The following NTNG1 variants were observed in gnomAD, a reference collection of about 807,000 sequenced individuals.
NTNG1 encodes the protein netrin-G1.
NTNG1 carries 16 observed loss-of-function variants against 54.0 expected under a neutral mutation model. That is an observed-to-expected ratio of 0.30 (90% CI 0.20 to 0.45). The LOEUF is 0.45. Among genes scored for constraint, NTNG1 ranks in the 20% least tolerant of loss-of-function variants. The probability of loss-of-function intolerance (pLI) is 1.00; values close to 1 mark genes in which losing one functional copy is unlikely to be tolerated. For missense variants in NTNG1, 530 were observed against 678.7 expected (o/e 0.78, Z 2.43); for synonymous variants, 255 against 263.1 (o/e 0.97, Z 0.30).
At chr1:107,245,882 C>G (rs997489531) in intron 2 of NTNG1, among the ~76,000 whole-genome samples, 1 of 152,042 alleles carries the variant, frequency 6.6e-6, no homozygotes, top group African/African-American at 2.4e-5. Flanking sequence ...GAATAAACAG[C>G]CTCATTTAAA....
intron 3 of NTNG1, among the ~76,000 whole-genome samples, chr1:107,377,513 T>G (rs1438938957): frequency 6.6e-6 from 1 of 152,200 alleles, no homozygotes; most frequent in African/African-American, 2.4e-5. Flanking sequence ...CCAGTACATT[T>G]AAGTCTGTCG....
intron 5 of NTNG1, among the ~76,000 whole-genome samples, chr1:107,415,417 G>T (rs1441396106): frequency 6.6e-6 from 1 of 152,080 alleles, no homozygotes; most frequent in Non-Finnish European, 1.5e-5. Context: ...GATGCTGCTA[G>T]GCCATGAGAA....
At chr1:107,173,616 A>G (rs760344953) in intron 2 of NTNG1, among the ~76,000 whole-genome samples, 2 of 152,126 alleles carry the variant, frequency 1.3e-5, no homozygotes, top group Non-Finnish European at 2.9e-5. Context: ...GATGATACCA[A>G]TCTGGTGAAA....
chr1:107,442,299 G>A (rs955953483), intron 7 of NTNG1, among the ~76,000 whole-genome samples: 2 of 151,946 alleles, frequency 1.3e-5, no homozygotes, highest in Non-Finnish European at 2.9e-5. Flanking sequence ...ATATTCCTGG[G>A]GGAAAAAGGT....
intron 4 of NTNG1, among the ~76,000 whole-genome samples, chr1:107,397,488 G>A (rs1672751868): frequency 6.6e-6 from 1 of 152,092 alleles, no homozygotes; most frequent in Non-Finnish European, 1.5e-5. Flanking sequence ...TACTAGCTAT[G>A]TGACCTTGAA....
intron 2 of NTNG1, among the ~76,000 whole-genome samples, chr1:107,170,007 T>C (rs1448258737): frequency 1.3e-5 from 2 of 152,184 alleles, no homozygotes; most frequent in African/African-American, 4.8e-5. Flanking sequence ...TTTCAATTGA[T>C]TGAATCAGGC....
At position 107,436,655 on chromosome 1, in the gene NTNG1, G is replaced by A. The variant is rs368118701; in HGVS notation, c.1256-10G>A. 1 of 1,611,698 alleles carries A rather than the reference G, an allele frequency of 6.2e-7. No homozygotes were observed. Among genetic ancestry groups the A allele is most frequent in the African/African-American group, 1.3e-5 (1 of 74,886 alleles). ...TTGTCTCCAGCCTGTGTGTTGTCTT[G>A]TTTCTACAGAGTGTTATTGTAACCC... On this transcript the variant is annotated splice_polypyrimidine_tract_variant and intron_variant, in intron 6 of 7. Coordinates refer to ENST00000370068, the MANE Select transcript of NTNG1 (RefSeq NM_001113226.3).
chr1:107,459,175 G>C (rs756066658), intron 7 of NTNG1, among the ~76,000 whole-genome samples: 1 of 152,068 alleles, frequency 6.6e-6, no homozygotes, highest in African/African-American at 2.4e-5. Context: ...TTCCTCTTTT[G>C]TAACTTTGCA....
intron 3 of NTNG1, among the ~76,000 whole-genome samples, chr1:107,379,250 G>A (rs546902288): frequency 6.6e-6 from 1 of 152,298 alleles, no homozygotes; most frequent in Admixed American, 6.5e-5. Context: ...GTTATTGTCA[G>A]CATCATGTGG....
chr1:107,392,332 G>C (rs1236327860), intron 3 of NTNG1, among the ~76,000 whole-genome samples: 1 of 152,014 alleles, frequency 6.6e-6, no homozygotes, highest in Admixed American at 6.6e-5. Flanking sequence ...AAGATGATGT[G>C]AATTTGCTTT....
At chr1:107,332,747 G>C (rs72699393) in intron 3 of NTNG1, among the ~76,000 whole-genome samples, 3,634 of 152,102 alleles carry the variant, frequency 0.024, 72 homozygotes, top group Non-Finnish European at 0.039. Context: ...TGTGTGGATT[G>C]ATATATTGAT....
intron 2 of NTNG1, among the ~76,000 whole-genome samples, chr1:107,310,051 C>G (rs868796147): frequency 6.6e-6 from 1 of 152,040 alleles, no homozygotes; most frequent in African/African-American, 2.4e-5. Flanking sequence ...ATAGAAAGCC[C>G]CTTTTAAAAT....
rs185431507 is a variant in NTNG1, at chr1:107,467,103, T to G, written c.1391-13508T>G. ...TTACTTAATGTTACTCATGAGCTTG[T>G]CTAAAGTCACTGTCTTTACCTAAAC... On this transcript the variant is annotated intron_variant, in intron 7 of 7. Coordinates refer to ENST00000370068, the MANE Select transcript of NTNG1 (RefSeq NM_001113226.3). 2.0e-5 allele frequency among the ~76,000 whole-genome samples: 3 copies of G among 152,310 alleles called. No homozygotes were observed. In the East Asian group the frequency reaches 5.8e-4, roughly 29 times the overall value.
At chr1:107,180,824 C>T (rs1192458065) in intron 2 of NTNG1, among the ~76,000 whole-genome samples, 1 of 152,094 alleles carries the variant, frequency 6.6e-6, no homozygotes. Flanking sequence ...TGTCCATTGT[C>T]CTAATTAGGA....
At chr1:107,384,578 A>G (rs989031364) in intron 3 of NTNG1, among the ~76,000 whole-genome samples, 2 of 152,202 alleles carry the variant, frequency 1.3e-5, no homozygotes, top group Admixed American at 6.5e-5. Flanking sequence ...TATAGTCTAT[A>G]CCAGTCAGTT....
At chr1:107,415,066 C>T in intron 5 of NTNG1, among the ~76,000 whole-genome samples, 2 of 152,078 alleles carry the variant, frequency 1.3e-5, no homozygotes, top group East Asian at 3.8e-4. Flanking sequence ...GGTCTCCATA[C>T]TACATATGTA....
intron 2 of NTNG1, among the ~76,000 whole-genome samples, chr1:107,195,742 T>TG (rs1179944613): frequency 4.6e-5 from 7 of 151,996 alleles, no homozygotes; most frequent in African/African-American, 1.7e-4. Flanking sequence ...CCCTTGCACT[T>TG]GCTGATTCCT....
At chr1:107,168,734 CA>C (rs1406924406) in intron 2 of NTNG1, among the ~76,000 whole-genome samples, 2 of 152,062 alleles carry the variant, frequency 1.3e-5, no homozygotes, top group Non-Finnish European at 2.9e-5. Context: ...AGGACAGGCC[CA>C]TTAGTCTCTT....
intron 3 of NTNG1, among the ~76,000 whole-genome samples, chr1:107,385,276 G>C (rs1273288289): frequency 6.6e-6 from 1 of 152,074 alleles, no homozygotes; most frequent in Non-Finnish European, 1.5e-5. Flanking sequence ...AGTTGTCTGA[G>C]GGCTGGGATT....
Sources: gnomAD v4.1 joint callset for allele counts (sites outside exome capture counted in the v4.1 genomes callset) on GRCh38, gnomAD v4.1.1 for gene constraint, MANE v1.5 for transcripts, NCBI Gene and HGNC (gene_info 2026-07-23, HGNC 2026-07-21) for gene names.